Variants in CTNNA3 observed in about 807,000 individuals in gnomAD.
CTNNA3 encodes catenin alpha-3.
CTNNA3 carries 76 observed loss-of-function variants against 95.7 expected under a neutral mutation model. The observed-to-expected ratio is 0.79, with a 90% CI of 0.66 to 0.96. The LOEUF (loss-of-function observed/expected upper bound fraction) is 0.96. Ranked by LOEUF, CTNNA3 falls within the 40% of genes least tolerant of loss-of-function variation. The pLI is 0.00. For missense variants in CTNNA3, 1,191 were observed against 1,089.8 expected (o/e 1.09, Z -1.31); for synonymous variants, 431 against 374.4 (o/e 1.15, Z -1.74).
At chr10:67,000,695 G>A (rs957631765) in intron 7 of CTNNA3, among the ~76,000 whole-genome samples, 1 of 152,090 alleles carries the variant, frequency 6.6e-6, no homozygotes, top group Non-Finnish European at 1.5e-5. Flanking sequence ...GAATTCAATA[G>A]AAGAAATCTT....
intron 5 of CTNNA3, among the ~76,000 whole-genome samples, chr10:67,478,031 CA>C (rs1406708192): frequency 2.0e-5 from 3 of 152,084 alleles, no homozygotes; most frequent in Admixed American, 6.6e-5. Context: ...TAAGAAATTT[CA>C]AAATACAGTT....
chr10:66,427,876 T>A (rs2093256560), intron 11 of CTNNA3, among the ~76,000 whole-genome samples: 1 of 152,136 alleles, frequency 6.6e-6, no homozygotes, highest in African/African-American at 2.4e-5. Flanking sequence ...AACATCATAA[T>A]GACAGGATCA....
chr10:66,509,433 A>AAACT (rs1840577707), intron 11 of CTNNA3, among the ~76,000 whole-genome samples: 1 of 152,020 alleles, frequency 6.6e-6, no homozygotes, highest in Admixed American at 6.6e-5. Context: ...TTAACCATAA[A>AAACT]GTCTTTGCCT....
At chr10:67,533,434 A>G (rs1273062506) in intron 4 of CTNNA3, among the ~76,000 whole-genome samples, 2 of 152,234 alleles carry the variant, frequency 1.3e-5, no homozygotes, top group Non-Finnish European at 2.9e-5. Flanking sequence ...AGAGATAAAC[A>G]TTTTAACTTA....
chr10:67,436,674 A>T (rs1240683848), intron 5 of CTNNA3, among the ~76,000 whole-genome samples: 1 of 152,206 alleles, frequency 6.6e-6, no homozygotes, highest in East Asian at 1.9e-4. Context: ...ACATGAAAAG[A>T]CAATTCTCAA....
chr10:67,362,837 T>C (rs1259448229), intron 5 of CTNNA3, among the ~76,000 whole-genome samples: 1 of 151,580 alleles, frequency 6.6e-6, no homozygotes, highest in Non-Finnish European at 1.5e-5. Context: ...AGAGATGATA[T>C]GATTCTATAC....
chr10:66,851,764 G>T (rs1843506588), intron 7 of CTNNA3, among the ~76,000 whole-genome samples: 1 of 152,000 alleles, frequency 6.6e-6, no homozygotes, highest in African/African-American at 2.4e-5. Flanking sequence ...CCAGTGCCAT[G>T]TTTCCCGTAC....
intron 11 of CTNNA3, among the ~76,000 whole-genome samples, chr10:66,501,500 T>G (rs1276253420): frequency 6.6e-6 from 1 of 152,164 alleles, no homozygotes; most frequent in Non-Finnish European, 1.5e-5. Context: ...ATCCACCATT[T>G]CATCTCTAGA....
intron 15 of CTNNA3, among the ~76,000 whole-genome samples, chr10:66,044,203 G>A (rs1472947899): frequency 6.6e-6 from 1 of 152,084 alleles, no homozygotes; most frequent in Non-Finnish European, 1.5e-5. Flanking sequence ...TGTTTGCCAG[G>A]CTGGCCTCAA....
chr10:67,461,049 T>C (rs1847354907), intron 5 of CTNNA3, among the ~76,000 whole-genome samples: 1 of 152,154 alleles, frequency 6.6e-6, no homozygotes, highest in African/African-American at 2.4e-5. Flanking sequence ...ACTACTTGGA[T>C]ACTAAAAATT....
intron 17 of CTNNA3, among the ~76,000 whole-genome samples, chr10:65,956,835 G>A (rs896255423): frequency 6.6e-5 from 10 of 152,244 alleles, no homozygotes; most frequent in East Asian, 5.8e-4. Flanking sequence ...GAATAAGTGC[G>A]ACGTTGTGCT....
At chr10:66,178,077 C>A (rs1231055962) in intron 13 of CTNNA3, among the ~76,000 whole-genome samples, 3 of 151,522 alleles carry the variant, frequency 2.0e-5, no homozygotes, top group Admixed American at 6.6e-5. Flanking sequence ...AAAGATCCTA[C>A]AATTTTATTT....
chr10:66,071,120 G>A (rs1589324727), intron 14 of CTNNA3, among the ~76,000 whole-genome samples: 1 of 152,132 alleles, frequency 6.6e-6, no homozygotes, highest in Non-Finnish European at 1.5e-5. Context: ...AATACTTGAT[G>A]TTTGGAAAGT....
At chr10:66,459,311 T>C (rs2093513470) in intron 11 of CTNNA3, among the ~76,000 whole-genome samples, 1 of 152,146 alleles carries the variant, frequency 6.6e-6, no homozygotes, top group Admixed American at 6.6e-5. Context: ...ACAGTGAGTA[T>C]GTGTAGCTAA....
At chr10:67,339,169 A>T (rs527764372) in intron 5 of CTNNA3, among the ~76,000 whole-genome samples, 155 of 152,260 alleles carry the variant, frequency 1.0e-3, no homozygotes, top group African/African-American at 3.5e-3. Flanking sequence ...TCTTGCAATC[A>T]CTCATTCTTC....
At chr10:66,445,730 C>T (rs1378130190) in intron 11 of CTNNA3, among the ~76,000 whole-genome samples, 3 of 151,160 alleles carry the variant, frequency 2.0e-5, no homozygotes, top group East Asian at 2.1e-4. Flanking sequence ...AGGAAAGATC[C>T]AAAATTGACA....
intron 14 of CTNNA3, among the ~76,000 whole-genome samples, chr10:66,081,065 G>A (rs7921429): frequency 0.29 from 43,815 of 152,056 alleles, 6,977 homozygotes; most frequent in South Asian, 0.43. Context: ...GTACTCAGAA[G>A]GAATCCCATC....
chr10:66,127,262 A>C (rs2133835411), intron 13 of CTNNA3, among the ~76,000 whole-genome samples: 2 of 127,458 alleles, frequency 1.6e-5, no homozygotes, highest in East Asian at 2.3e-4. Flanking sequence ...ACAGAGCAAG[A>C]CTCTGTCTCA....
intron 5 of CTNNA3, among the ~76,000 whole-genome samples, chr10:67,244,461 A>G (rs1047628501): frequency 6.6e-6 from 1 of 152,230 alleles, no homozygotes; most frequent in Middle Eastern, 3.2e-3. Context: ...AACAGAGGTA[A>G]CTTAGGTTGA....
Sources: allele counts gnomAD v4.1 joint callset (sites outside exome capture counted in the v4.1 genomes callset), GRCh38; gene constraint gnomAD v4.1.1; transcripts MANE v1.5; gene names NCBI Gene and HGNC (gene_info 2026-07-23, HGNC 2026-07-21).